REPS2: variants seen among roughly 807,000 people sequenced by gnomAD.
REPS2 encodes RALBP1 associated Eps domain containing 2.
Under a neutral mutation model 53.6 loss-of-function variants are expected in REPS2, and 23 were observed. The observed-to-expected ratio is 0.43, with a 90% CI of 0.31 to 0.61. REPS2 has a LOEUF of 0.61. Among genes scored for constraint, REPS2 ranks in the 20% least tolerant of loss-of-function variants. REPS2 has a pLI of 0.11. For synonymous variants in REPS2, 238 were observed against 218.6 expected (o/e 1.09, Z -0.78); for missense variants, 446 against 534.9 (o/e 0.83, Z 1.64).
chrX:17,139,534 T>C (rs1247392682), intron 17 of REPS2, among the ~76,000 whole-genome samples: 2 of 111,194 alleles, frequency 1.8e-5, no homozygotes, highest in African/African-American at 6.5e-5. Flanking sequence ...TGTGTTAGTT[T>C]CTCGGGGCTG....
At chrX:17,046,087 C>T (rs940134929) in intron 5 of REPS2, among the ~76,000 whole-genome samples, 1 of 109,961 alleles carries the variant, frequency 9.1e-6, no homozygotes, top group Non-Finnish European at 1.9e-5. Context: ...GGCTCTTTAG[C>T]AGCAATACCC....
At chrX:16,993,891 G>C (rs2061192801) in intron 1 of REPS2, among the ~76,000 whole-genome samples, 1 of 112,842 alleles carries the variant, frequency 8.9e-6, no homozygotes, top group Non-Finnish European at 1.9e-5. Context: ...AATCTAAGCG[G>C]AAAAGCAGTT....
chrX:16,961,896 A>G (rs375657628), intron 1 of REPS2, among the ~76,000 whole-genome samples: 1 of 112,332 alleles, frequency 8.9e-6, no homozygotes, highest in East Asian at 2.8e-4. Context: ...AAAGGTACTC[A>G]GTATCACTAA....
At chrX:17,075,612 C>A in intron 12 of REPS2, among the ~76,000 whole-genome samples, 1 of 112,340 alleles carries the variant, frequency 8.9e-6, no homozygotes, top group Non-Finnish European at 1.9e-5. Flanking sequence ...TAACTCCCTG[C>A]ACATTTATGT....
intron 1 of REPS2, 25 bp from the exon 2 acceptor site, chrX:17,006,196 C>A: frequency 8.3e-7 from 1 of 1,204,255 alleles, no homozygotes; most frequent in Non-Finnish European, 1.1e-6. Context: ...GGGTGTTCAG[C>A]ATTGTTTTTC....
intron 4 of REPS2, among the ~76,000 whole-genome samples, chrX:17,028,750 A>G (rs1373971954): frequency 8.9e-6 from 1 of 112,228 alleles, no homozygotes; most frequent in African/African-American, 3.2e-5. Flanking sequence ...CATTTTACTT[A>G]TTTATATATT....
chrX:17,034,617 C>A (rs749706339), intron 5 of REPS2, among the ~76,000 whole-genome samples: 1 of 112,294 alleles, frequency 8.9e-6, no homozygotes, highest in Non-Finnish European at 1.9e-5. Context: ...TGAATATATT[C>A]TTCCAGCTAG....
intron 14 of REPS2, among the ~76,000 whole-genome samples, chrX:17,117,878 T>G (rs1408022638): frequency 4.6e-5 from 5 of 109,448 alleles, no homozygotes; most frequent in Admixed American, 2.9e-4. Context: ...TGAACTAGTT[T>G]ACAGTCCCAC....
chrX:17,014,973 G>C (rs992337796), intron 2 of REPS2, among the ~76,000 whole-genome samples: 1 of 113,286 alleles, frequency 8.8e-6, no homozygotes, highest in Non-Finnish European at 1.9e-5. Context: ...CTAGCAATAG[G>C]CTACCTCATT....
chrX:17,134,495 A>C (rs1405033629), intron 15 of REPS2, among the ~76,000 whole-genome samples: 1 of 112,301 alleles, frequency 8.9e-6, no homozygotes, highest in East Asian at 2.8e-4. Context: ...CCAAAGAAGC[A>C]GACCAACTGT....
intron 1 of REPS2, among the ~76,000 whole-genome samples, chrX:16,995,079 A>G (rs1286981219): frequency 3.6e-5 from 4 of 112,371 alleles, no homozygotes; most frequent in Non-Finnish European, 7.5e-5. Flanking sequence ...TGAAGCCAGC[A>G]TTGTGGTTTG....
chrX:16,964,284 G>A (rs1206362182), intron 1 of REPS2, among the ~76,000 whole-genome samples: 2 of 108,869 alleles, frequency 1.8e-5, no homozygotes, highest in African/African-American at 3.4e-5. Flanking sequence ...ATCTTGCACC[G>A]CCCTTAATCC....
In REPS2 at chrX:17,002,834, A is replaced by T. The variant is rs961668863; in HGVS notation, c.274-3387A>T. 2.7e-5 allele frequency among the ~76,000 whole-genome samples: 3 copies of T among 111,745 alleles called. No homozygotes were observed. In the South Asian group the frequency reaches 1.1e-3, roughly 42 times the overall value. On this transcript the variant is annotated intron_variant, in intron 1 of 17. Coordinates refer to ENST00000357277, the MANE Select transcript of REPS2 (RefSeq NM_004726.3). ...GGTGGATGCCTTTCCTTATGCCTTG[A>T]TCCTAACCGGTACCCTCTTAGCTGA...
At chrX:16,957,416 A>AT (rs1320117465) in intron 1 of REPS2, among the ~76,000 whole-genome samples, 1 of 110,566 alleles carries the variant, frequency 9.0e-6, no homozygotes, top group East Asian at 2.8e-4. Flanking sequence ...GTCTCAAAAA[A>AT]AAAAAAAAGT....
chrX:17,100,326 T>C (rs1230141349), intron 13 of REPS2: 7 of 523,407 alleles, frequency 1.3e-5, no homozygotes, highest in African/African-American at 6.9e-5. Flanking sequence ...ATAGCGTGTG[T>C]GTAAAGGGTG....
chrX:17,185,380 A>G, the REPS2 span, among the ~76,000 whole-genome samples: 1 of 111,638 alleles, frequency 9.0e-6, no homozygotes, highest in Admixed American at 9.5e-5. Context: ...GATTCAAGGT[A>G]TACAGAAATG....
intron 8 of REPS2, among the ~76,000 whole-genome samples, chrX:17,060,686 G>A (rs1235249753): frequency 1.8e-5 from 2 of 111,300 alleles, no homozygotes; most frequent in Non-Finnish European, 3.8e-5. Flanking sequence ...TCTGAGAGGG[G>A]GCTTGGAGCA....
At chrX:16,969,403 G>A (rs1235429681) in intron 1 of REPS2, among the ~76,000 whole-genome samples, 4 of 110,555 alleles carry the variant, frequency 3.6e-5, no homozygotes, top group Admixed American at 9.5e-5. Context: ...GTAGCGAGCC[G>A]AGATCACGCC....
chrX:16,962,516 G>T (rs944406432), intron 1 of REPS2, among the ~76,000 whole-genome samples: 27 of 111,567 alleles, frequency 2.4e-4, no homozygotes, highest in African/African-American at 8.5e-4. Flanking sequence ...GGGTGGGAAT[G>T]GGGAGGAAAT....
Sources: gnomAD v4.1 joint callset for allele counts (sites outside exome capture counted in the v4.1 genomes callset) on GRCh38, gnomAD v4.1.1 for gene constraint, MANE v1.5 for transcripts, NCBI Gene and HGNC (gene_info 2026-07-23, HGNC 2026-07-21) for gene names.